EFR3A: variants seen among roughly 807,000 people sequenced by gnomAD.
The protein encoded by EFR3A is protein EFR3 homolog A.
In EFR3A, 76 loss-of-function variants were observed where a neutral mutation model predicts 104.4. The ratio of observed to expected loss-of-function variants is 0.73; its 90% CI spans 0.60 to 0.88. The LOEUF is 0.88. Among genes scored for constraint, EFR3A ranks in the 40% least tolerant of loss-of-function variants. EFR3A has a pLI of 0.00. For synonymous variants in EFR3A, 330 were observed against 330.0 expected (o/e 1.00, Z 0.00); for missense variants, 985 against 1,012.5 (o/e 0.97, Z 0.37).
rs774081366 is a variant in EFR3A, at chr8:131,953,980, A to C, written c.638+13A>C. On this transcript the variant is annotated intron_variant, in intron 6 of 22. Transcript: ENST00000254624. ...AAGAAGTTGACAGGTATTTAAAAAA[A>C]TATTAGTGTTGAGACAGTGTTACTT... 9.9e-6 allele frequency: 15 copies of C among 1,521,904 alleles called. No individual in the cohort carries two copies. In the Admixed American group the frequency reaches 1.1e-4, roughly 11 times the overall value. 94.3% of individuals were successfully genotyped at this position (1,521,904 alleles called of 1,614,324 possible). A position where few individuals can be genotyped will look rare whatever the true frequency, so the allele number is the denominator to read the frequency against.
intron 1 of EFR3A, among the ~76,000 whole-genome samples, chr8:131,920,793 T>C (rs2130440573): frequency 6.6e-6 from 1 of 152,298 alleles, no homozygotes; most frequent in Non-Finnish European, 1.5e-5. Flanking sequence ...TGCTTCTCGT[T>C]GTATGGTCTT....
chr8:131,946,827 CTAATCATAAT>C (rs958167465), intron 4 of EFR3A, among the ~76,000 whole-genome samples, 194 bp downstream of exon 4: 1 of 152,040 alleles, frequency 6.6e-6, no homozygotes, highest in Non-Finnish European at 1.5e-5. Flanking sequence ...GTGGTATTAA[CTAATCATAAT>C]AGAATGTCTG....
intron 1 of EFR3A, among the ~76,000 whole-genome samples, chr8:131,912,448 A>G: frequency 6.6e-6 from 1 of 152,248 alleles, no homozygotes; most frequent in East Asian, 1.9e-4. Flanking sequence ...TTAGATTACC[A>G]AAAGACTTAA....
At chr8:131,908,424 C>T (rs1203279213) in intron 1 of EFR3A, among the ~76,000 whole-genome samples, 1 of 152,116 alleles carries the variant, frequency 6.6e-6, no homozygotes, top group Non-Finnish European at 1.5e-5. Context: ...GGCTTAGTAG[C>T]AGTTTCCAAC....
intron 2 of EFR3A, among the ~76,000 whole-genome samples, chr8:131,944,267 T>A (rs1319078294): frequency 6.6e-6 from 1 of 152,090 alleles, no homozygotes; most frequent in Non-Finnish European, 1.5e-5. Context: ...TAAGTATAGA[T>A]TCTACAGCTC....
chr8:131,958,807 T>C (rs1819157020), intron 7 of EFR3A, among the ~76,000 whole-genome samples: 1 of 152,160 alleles, frequency 6.6e-6, no homozygotes, highest in Admixed American at 6.5e-5. Flanking sequence ...ATGGTTTATT[T>C]ATATATTAAA....
At chr8:132,010,407 G>GATAGATATATATATATAT (rs1554610359) in intron 22 of EFR3A, among the ~76,000 whole-genome samples, 1 of 81,880 alleles carries the variant, frequency 1.2e-5, no homozygotes, top group African/African-American at 4.9e-5. Context: ...TCAAGTATGA[G>GATAGATATATATATATAT]ATATATATAT....
intron 18 of EFR3A, among the ~76,000 whole-genome samples, 185 bp from the exon 19 acceptor site, chr8:131,996,221 T>C (rs1467197971): frequency 6.6e-6 from 1 of 152,174 alleles, no homozygotes; most frequent in Non-Finnish European, 1.5e-5. Flanking sequence ...AATTTTACTT[T>C]TTAATCTGCT....
At chr8:131,912,880 G>T (rs980041385) in intron 1 of EFR3A, among the ~76,000 whole-genome samples, 1 of 152,114 alleles carries the variant, frequency 6.6e-6, no homozygotes, top group East Asian at 1.9e-4. Context: ...CGCATCAGCT[G>T]TCTGATTGCT....
At chr8:131,989,093 A>G (rs557522178) in intron 18 of EFR3A, among the ~76,000 whole-genome samples, 2 of 152,258 alleles carry the variant, frequency 1.3e-5, no homozygotes, top group Non-Finnish European at 1.5e-5. Context: ...TTTAGTGTCT[A>G]CTTAATTGTA....
At chr8:131,969,031 C>A (rs1044151360) in intron 9 of EFR3A, among the ~76,000 whole-genome samples, 1 of 152,068 alleles carries the variant, frequency 6.6e-6, no homozygotes, top group Non-Finnish European at 1.5e-5. Flanking sequence ...AAATGTAGGG[C>A]ACATTAGAAA....
At chr8:131,955,653 C>A in intron 6 of EFR3A, 115 bp from the exon 7 acceptor site, 1 of 1,056,576 alleles carries the variant, frequency 9.5e-7, no homozygotes, top group Non-Finnish European at 1.3e-6. Context: ...TATATATTTT[C>A]TGGAGTATAA....
At chr8:131,999,811 G>A (rs192364939) in intron 19 of EFR3A, among the ~76,000 whole-genome samples, 2 of 152,218 alleles carry the variant, frequency 1.3e-5, no homozygotes, top group East Asian at 3.9e-4. Context: ...ACAGGAAGTA[G>A]GTAAACACCG....
chr8:131,941,312 T>A (rs1477751806), intron 2 of EFR3A, among the ~76,000 whole-genome samples: 2 of 152,104 alleles, frequency 1.3e-5, no homozygotes, highest in African/African-American at 4.8e-5. Flanking sequence ...CTAAGACTTC[T>A]GTAGTCTCCT....
intron 1 of EFR3A, among the ~76,000 whole-genome samples, chr8:131,923,437 T>C (rs565329513): frequency 2.6e-4 from 40 of 152,096 alleles, no homozygotes; most frequent in South Asian, 8.3e-4. Context: ...TTCTTTCTAA[T>C]GTGTTCATTT....
intron 13 of EFR3A, 118 bp downstream of exon 13, chr8:131,979,137 T>G (rs1389823491): frequency 7.7e-6 from 9 of 1,173,204 alleles, no homozygotes; most frequent in Non-Finnish European, 1.1e-5. Context: ...ATCCATAATT[T>G]TATTTAATTG....
intron 22 of EFR3A, among the ~76,000 whole-genome samples, chr8:132,003,820 G>A (rs1307915692): frequency 1.3e-5 from 2 of 152,138 alleles, no homozygotes; most frequent in Non-Finnish European, 2.9e-5. Context: ...AATAAGAAAT[G>A]TAGCACCTGA....
chr8:131,938,135 A>G (rs1171371722), intron 1 of EFR3A: 2 of 394,470 alleles, frequency 5.1e-6, no homozygotes, highest in African/African-American at 2.1e-5. Context: ...CTGCTAATTA[A>G]TTAGAAGTAA....
chr8:131,939,556 A>G (rs1053993192), intron 1 of EFR3A, among the ~76,000 whole-genome samples: 2 of 152,226 alleles, frequency 1.3e-5, no homozygotes, highest in African/African-American at 4.8e-5. Context: ...TGAAAATAAC[A>G]AAATTTCCCA....
Sources: allele counts gnomAD v4.1 joint callset (sites outside exome capture counted in the v4.1 genomes callset), GRCh38; gene constraint gnomAD v4.1.1; transcripts MANE v1.5; gene names NCBI Gene and HGNC (gene_info 2026-07-23, HGNC 2026-07-21).